NRG3: variants seen among roughly 807,000 people sequenced by gnomAD.
NRG3 encodes the protein neuregulin 3.
A neutral mutation model predicts 66.9 loss-of-function variants in NRG3; 31 were observed. The ratio of observed to expected loss-of-function variants is 0.46; its 90% CI spans 0.35 to 0.63. The LOEUF (loss-of-function observed/expected upper bound fraction) is 0.63. Among genes scored for constraint, NRG3 ranks in the 20% least tolerant of loss-of-function variants. The pLI, the probability that NRG3 is intolerant of heterozygous loss-of-function variation, is 0.00. For synonymous variants in NRG3, 393 were observed against 359.4 expected (o/e 1.09, Z -1.06); for missense variants, 910 against 878.9 (o/e 1.04, Z -0.45).
chr10:82,439,819 A>G (rs562877198), intron 2 of NRG3, among the ~76,000 whole-genome samples: 6 of 152,046 alleles, frequency 3.9e-5, no homozygotes, highest in South Asian at 2.1e-4. Flanking sequence ...TTCACTTTCA[A>G]TTTTATATCC....
intron 1 of NRG3, among the ~76,000 whole-genome samples, chr10:82,097,131 A>C (rs2066397613): frequency 6.6e-6 from 1 of 151,956 alleles, no homozygotes; most frequent in Non-Finnish European, 1.5e-5. Context: ...CTGTGTCGCT[A>C]TAATTTTGTT....
intron 2 of NRG3, among the ~76,000 whole-genome samples, chr10:82,453,852 A>C (rs936214482): frequency 1.7e-4 from 26 of 152,136 alleles, no homozygotes; most frequent in Non-Finnish European, 3.8e-4. Context: ...CTAAAGGGTT[A>C]GCTGCAGGGG....
At chr10:82,808,893 A>G (rs1591590091) in intron 3 of NRG3, among the ~76,000 whole-genome samples, 1 of 152,230 alleles carries the variant, frequency 6.6e-6, no homozygotes, top group South Asian at 2.1e-4. Flanking sequence ...TGCATGAATT[A>G]CATGTATTGG....
intron 1 of NRG3, among the ~76,000 whole-genome samples, chr10:81,971,135 C>T (rs1230755576): frequency 1.3e-5 from 2 of 152,156 alleles, no homozygotes; most frequent in Non-Finnish European, 2.9e-5. Context: ...AGCAAACACT[C>T]CGTCTAAAAA....
intron 3 of NRG3, among the ~76,000 whole-genome samples, chr10:82,786,096 G>C (rs1483419737): frequency 6.6e-6 from 1 of 152,170 alleles, no homozygotes; most frequent in East Asian, 1.9e-4. Context: ...AGAGCCATAG[G>C]AGTGAGGCCA....
chr10:81,976,946 C>A (rs1338305843), intron 1 of NRG3, among the ~76,000 whole-genome samples: 1 of 152,146 alleles, frequency 6.6e-6, no homozygotes, highest in Non-Finnish European at 1.5e-5. Flanking sequence ...AGGTATTTTT[C>A]CTTCCTCATA....
chr10:82,560,698 AT>A (rs1455345363), intron 2 of NRG3, among the ~76,000 whole-genome samples: 2 of 151,418 alleles, frequency 1.3e-5, no homozygotes, highest in Admixed American at 6.6e-5. Flanking sequence ...TATCCATATC[AT>A]AATAGAAATG....
At chr10:82,790,691 G>A (rs2060550186) in intron 3 of NRG3, among the ~76,000 whole-genome samples, 1 of 151,828 alleles carries the variant, frequency 6.6e-6, no homozygotes, top group Non-Finnish European at 1.5e-5. Context: ...CATCCTTCTA[G>A]GACTTCCATT....
chr10:82,065,440 T>C (rs2064399390), intron 1 of NRG3, among the ~76,000 whole-genome samples: 1 of 152,164 alleles, frequency 6.6e-6, no homozygotes, highest in Admixed American at 6.5e-5. Context: ...AGAGTACATA[T>C]AGTGAAAGAT....
chr10:82,181,148 C>G lies in NRG3; in HGVS notation c.824-177591C>G, dbSNP rs117417575. On this transcript the variant is annotated intron_variant, in intron 1 of 8. Transcript: ENST00000372141. ...TTCTCTTCATTTAACTATTTTCTCT[C>G]TTTTCTTAGTTTAGATAAATGTTTA... Among the ~76,000 whole-genome samples the G allele has an allele frequency of 5.1e-4, 78 of 151,752 alleles. No individual in the cohort carries two copies. In the East Asian group the frequency reaches 0.014, roughly 28 times the overall value.
At chr10:82,381,736 T>G (rs536597623) in intron 2 of NRG3, among the ~76,000 whole-genome samples, 1 of 152,218 alleles carries the variant, frequency 6.6e-6, no homozygotes, top group South Asian at 2.1e-4. Flanking sequence ...CCTTTGAGAG[T>G]AAGATGCTAT....
intron 1 of NRG3, among the ~76,000 whole-genome samples, chr10:81,997,574 T>C (rs1480458364): frequency 6.6e-6 from 1 of 152,144 alleles, no homozygotes; most frequent in East Asian, 1.9e-4. Context: ...CCCAGTTATG[T>C]TGTCTTTGGT....
At chr10:82,118,130 C>A (rs991029765) in intron 1 of NRG3, among the ~76,000 whole-genome samples, 3 of 151,628 alleles carry the variant, frequency 2.0e-5, no homozygotes, top group African/African-American at 4.9e-5. Flanking sequence ...TTTGCTTTGT[C>A]TACCCTCTGG....
chr10:82,985,833 C>T lies in NRG3; in HGVS notation c.*228C>T. 2.0e-6 allele frequency: 1 copy of T among 506,008 alleles called. No individual in the cohort carries two copies. The highest frequency in any genetic ancestry group is 3.4e-6 in the Non-Finnish European group (1 of 290,466). The allele number at this position is 506,008 out of a possible 1,614,324, so 31.3% of individuals were successfully genotyped here. A position where few individuals can be genotyped will look rare whatever the true frequency, so the allele number is the denominator to read the frequency against. ...AAAGCTTTTGGGTAGAATTCTGAATCCAATTTCGTTTAGTCCCAACACTGT... is the reference window on the plus strand; with the variant it reads ...AAAGCTTTTGGGTAGAATTCTGAATTCAATTTCGTTTAGTCCCAACACTGT... On this transcript the variant is annotated 3_prime_UTR_variant, in exon 9 of 9. Coordinates refer to ENST00000372141, the MANE Select transcript of NRG3 (RefSeq NM_001010848.4).
At chr10:81,876,857 A>G (rs1299331511) in intron 1 of NRG3, among the ~76,000 whole-genome samples, 3 of 151,806 alleles carry the variant, frequency 2.0e-5, no homozygotes, top group Non-Finnish European at 2.9e-5. Flanking sequence ...GACCGCCGAG[A>G]GTGAGTTAAC....
chr10:82,248,571 T>C (rs1334392117), intron 1 of NRG3, among the ~76,000 whole-genome samples: 1 of 152,188 alleles, frequency 6.6e-6, no homozygotes, highest in Admixed American at 6.5e-5. Context: ...GGGATAATAA[T>C]AGTATCTATT....
At chr10:81,877,930 G>T (rs775903748) in intron 1 of NRG3, 168 of 1,536,984 alleles carry the variant, frequency 1.1e-4, no homozygotes, top group Non-Finnish European at 1.4e-4. Context: ...CCAGATTTTT[G>T]ATCTGCTCTT....
chr10:82,895,249 G>A (rs565499602), intron 4 of NRG3, among the ~76,000 whole-genome samples: 71 of 152,196 alleles, frequency 4.7e-4, no homozygotes, highest in Non-Finnish European at 7.2e-4. Context: ...ACTCAAGGCA[G>A]GGGGTGTGTC....
chr10:82,555,001 C>A (rs903331488), intron 2 of NRG3, among the ~76,000 whole-genome samples: 5 of 152,120 alleles, frequency 3.3e-5, no homozygotes, highest in African/African-American at 9.7e-5. Context: ...TGCCTTCCTC[C>A]ACTCCCTCAC....
Sources: allele counts gnomAD v4.1 joint callset (sites outside exome capture counted in the v4.1 genomes callset), GRCh38; gene constraint gnomAD v4.1.1; transcripts MANE v1.5; gene names NCBI Gene and HGNC (gene_info 2026-07-23, HGNC 2026-07-21).